The following ANKRD36 variants were observed in gnomAD, a reference collection of about 807,000 sequenced individuals.
ANKRD36 encodes ankyrin repeat domain-containing protein 36A.
A neutral mutation model predicts 278.1 loss-of-function variants in ANKRD36; 179 were observed. The observed-to-expected ratio is 0.64, with a 90% CI of 0.57 to 0.73. The LOEUF is 0.73. Ranked by LOEUF, ANKRD36 falls within the 30% of genes least tolerant of loss-of-function variation. The pLI is 0.00. For synonymous variants in ANKRD36, 320 were observed against 641.1 expected (o/e 0.50, Z 7.57); for missense variants, 1,159 against 1,956.7 (o/e 0.59, Z 7.69).
chr2:97,211,610 C>T (rs1395781410), intron 57 of ANKRD36, 36 bp downstream of exon 57: 1 of 1,601,872 alleles, frequency 6.2e-7, no homozygotes, highest in Non-Finnish European at 8.5e-7. Context: ...GAACTATTAA[C>T]TGTATAGTAT....
intron 48 of ANKRD36, among the ~76,000 whole-genome samples, chr2:97,203,641 G>T: frequency 6.6e-6 from 1 of 151,790 alleles, no homozygotes; most frequent in Non-Finnish European, 1.5e-5. Flanking sequence ...GCAAGTTAAA[G>T]AGCATGATGA....
chr2:97,228,137 G>A (rs1356700338), intron 67 of ANKRD36, among the ~76,000 whole-genome samples: 1 of 152,084 alleles, frequency 6.6e-6, no homozygotes, highest in Non-Finnish European at 1.5e-5. Context: ...GTATCAGGAT[G>A]ATGCTGGCCT....
At chr2:97,182,186 G>C (rs560953998) in intron 26 of ANKRD36, among the ~76,000 whole-genome samples, 11 of 151,254 alleles carry the variant, frequency 7.3e-5, no homozygotes, top group Non-Finnish European at 1.3e-4. Flanking sequence ...CATAAACACT[G>C]TAGAACGAGA....
chr2:97,199,870 A>G (rs1411862263), intron 44 of ANKRD36, among the ~76,000 whole-genome samples: 1 of 151,904 alleles, frequency 6.6e-6, no homozygotes, highest in Non-Finnish European at 1.5e-5. Flanking sequence ...GTGTCATCGT[A>G]ATTGTGTGCC....
intron 50 of ANKRD36, among the ~76,000 whole-genome samples, chr2:97,204,854 A>G (rs1222138270): frequency 6.6e-6 from 1 of 151,568 alleles, no homozygotes; most frequent in Non-Finnish European, 1.5e-5. Flanking sequence ...TCGCTGCTCC[A>G]GCAACTGCTG....
At chr2:97,150,875 T>A (rs922750941) in intron 12 of ANKRD36, among the ~76,000 whole-genome samples, 3 of 30,098 alleles carry the variant, frequency 1.0e-4, no homozygotes, top group African/African-American at 3.6e-4. Context: ...TTTTATTGTT[T>A]TTTTTTTTTT....
chr2:97,124,532 T>C lies in ANKRD36; in HGVS notation c.666T>C (p.Asp222=), dbSNP rs767149364. The C allele has an allele frequency of 1.3e-6, 2 of 1,553,194 alleles. No homozygotes were observed. The highest frequency in any genetic ancestry group is 1.2e-5 in the South Asian group (1 of 84,088). The change falls in exon 5 of 76, where the codon GAT becomes GAC. Residue 222 remains aspartate (D), a synonymous_variant. Coordinates refer to ENST00000420699, the MANE Select transcript of ANKRD36 (RefSeq NM_001354587.1). ...TTCTTCTTCTGCAGCACAATATTGATGTGCTTTCTCGAGATGCGTTTCGAA... is the reference window on the plus strand; with the variant it reads ...TTCTTCTTCTGCAGCACAATATTGACGTGCTTTCTCGAGATGCGTTTCGAA... The part of the protein sequence containing the change: ...IVILLLQHNI[D]VLSRDAFRKI...
At chr2:97,190,543 G>A (rs191163353) in intron 34 of ANKRD36, among the ~76,000 whole-genome samples, 1 of 150,276 alleles carries the variant, frequency 6.7e-6, no homozygotes, top group Non-Finnish European at 1.5e-5. Context: ...TATTGGGCAA[G>A]TTAAAGAGCA....
intron 66 of ANKRD36, among the ~76,000 whole-genome samples, chr2:97,222,100 A>G (rs1285074443): frequency 6.6e-6 from 1 of 151,948 alleles, no homozygotes; most frequent in Non-Finnish European, 1.5e-5. Flanking sequence ...GATATGTGGC[A>G]TTATTTCTGA....
In ANKRD36 at chr2:97,209,798, A is replaced by G. The variant is rs776991055; in HGVS notation, c.3295-2A>G. On this transcript the variant is annotated splice_acceptor_variant, in intron 55 of 75. Transcript: ENST00000420699. LOFTEE classifies it high-confidence loss of function. ...TATTATTTCATTTCAAATTCCATTC[A>G]GGCTACAAGTGACGAGAAAGATTCT... 4 of 1,600,788 alleles carry G rather than the reference A, an allele frequency of 2.5e-6. No homozygotes were observed. The highest frequency in any genetic ancestry group is 1.8e-4 in the Middle Eastern group (1 of 5,408).
intron 6 of ANKRD36, 27 bp from the exon 7 acceptor site, chr2:97,142,613 T>G: frequency 6.2e-7 from 1 of 1,606,804 alleles, no homozygotes; most frequent in Non-Finnish European, 8.5e-7. Flanking sequence ...TACATATGAT[T>G]GATTATGTAT....
At chr2:97,194,500 A>G (rs1558651623) in intron 38 of ANKRD36, among the ~76,000 whole-genome samples, 3 of 151,556 alleles carry the variant, frequency 2.0e-5, no homozygotes. Context: ...CGACACATAA[A>G]AAATCATACT....
At chr2:97,177,834 A>C (rs1420375636) in intron 22 of ANKRD36, among the ~76,000 whole-genome samples, 1 of 151,994 alleles carries the variant, frequency 6.6e-6, no homozygotes, top group Non-Finnish European at 1.5e-5. Context: ...GATGGGATCT[A>C]ATTAAACTAA....
At chr2:97,150,623 GT>G (rs2045664876) in intron 12 of ANKRD36, among the ~76,000 whole-genome samples, 1 of 55,032 alleles carries the variant, frequency 1.8e-5, no homozygotes, top group African/African-American at 5.3e-5. Context: ...GTTGAGGTGA[GT>G]TATGTTGAGA....
chr2:97,195,891 A>G (rs2059618396), intron 40 of ANKRD36, among the ~76,000 whole-genome samples: 1 of 151,922 alleles, frequency 6.6e-6, no homozygotes, highest in African/African-American at 2.4e-5. Flanking sequence ...AAAATTGATA[A>G]TTGATGACAT....
At chr2:97,158,798 A>G (rs569707537) in intron 17 of ANKRD36, 143 bp downstream of exon 17, 1 of 810,780 alleles carries the variant, frequency 1.2e-6, no homozygotes, top group Admixed American at 2.7e-5. Flanking sequence ...TGCTTTATTC[A>G]CTTGCCATCT....
intron 75 of ANKRD36, among the ~76,000 whole-genome samples, chr2:97,260,367 TATATATATATATACACAC>T (rs2076582811): frequency 7.9e-6 from 1 of 127,180 alleles, no homozygotes; most frequent in Admixed American, 8.6e-5. Flanking sequence ...TATATATATA[TATATATATATATACACAC>T]ATATATACAT....
chr2:97,227,189 G>A lies in ANKRD36; in HGVS notation c.3951+2310G>A, dbSNP rs544727670. Reference sequence around the variant, plus strand: ...AAGTCTTTGGGAGCTTGATGGTGATGGCATTGAATCTATAAATTACCTTGG... The same window carrying A: ...AAGTCTTTGGGAGCTTGATGGTGATAGCATTGAATCTATAAATTACCTTGG... On this transcript the variant is annotated intron_variant, in intron 67 of 75. Coordinates refer to ENST00000420699, the MANE Select transcript of ANKRD36 (RefSeq NM_001354587.1). Among the ~76,000 whole-genome samples, 71 of 152,190 alleles carry A rather than the reference G, an allele frequency of 4.7e-4. No individual in the cohort carries two copies. In the Middle Eastern group the frequency reaches 0.017, roughly 36 times the overall value.
At chr2:97,130,611 C>T (rs917307711) in intron 6 of ANKRD36, among the ~76,000 whole-genome samples, 32 of 149,866 alleles carry the variant, frequency 2.1e-4, no homozygotes, top group Admixed American at 1.9e-3. Flanking sequence ...AAGTAGCCTA[C>T]ATACGAGCAG....
Sources: allele counts gnomAD v4.1 joint callset (sites outside exome capture counted in the v4.1 genomes callset), GRCh38; gene constraint gnomAD v4.1.1; transcripts MANE v1.5; gene names NCBI Gene and HGNC (gene_info 2026-07-23, HGNC 2026-07-21).